L3MBTL1: variants seen among roughly 807,000 people sequenced by gnomAD.
L3MBTL1 encodes L3MBTL histone methyl-lysine binding protein 1.
L3MBTL1 carries 75 observed loss-of-function variants against 105.3 expected under a neutral mutation model. That is an observed-to-expected ratio of 0.71 (90% CI 0.59 to 0.86). L3MBTL1 has a LOEUF of 0.86. L3MBTL1 is among the 40% of genes least tolerant of loss of function. L3MBTL1 has a pLI of 0.00. For missense variants in L3MBTL1, 1,069 were observed against 1,126.4 expected (o/e 0.95, Z 0.73); for synonymous variants, 452 against 436.2 (o/e 1.04, Z -0.45).
Position 43,540,799 on chromosome 20 carries a change from G to C in L3MBTL1, c.2378G>C (p.Arg793Pro), listed in dbSNP as rs757597984. ...QTLTGCEDQA[R>P]LFKDEARIVR... ...CTGACAGGTTGTGAGGACCAAGCAC[G>C]CCTCTTCAAAGACGAGGTAAGGTGC... The change falls in exon 21 of 22, where the codon CGC becomes CCC. Residue 793 changes from arginine to proline, a missense_variant. Coordinates refer to ENST00000418998, the MANE Select transcript of L3MBTL1 (RefSeq NM_001377303.1). The C allele has an allele frequency of 8.1e-6, 13 of 1,614,048 alleles. No individual in the cohort carries two copies.
chr20:43,534,376 G>A lies in L3MBTL1; in HGVS notation c.1692G>A (p.Val564=), dbSNP rs752469919. The A allele has an allele frequency of 1.9e-5, 30 of 1,613,954 alleles. No homozygotes were observed. The highest frequency in any genetic ancestry group is 2.3e-5 in the Non-Finnish European group (27 of 1,179,984). The change falls in exon 15 of 22, where the codon GTG becomes GTA. Residue 564 remains valine (V), a synonymous_variant. Transcript: ENST00000418998. The part of the protein sequence containing the change: ...ALIRVASVED[V]EDHRIKIHFD... ...TTCGCGTGGCCAGCGTGGAGGATGT[G>A]GAGGACCATCGGATAAAGGTGGCTC...
In L3MBTL1 at chr20:43,541,024, C is replaced by T; in HGVS notation, c.2485C>T (p.Gln829Ter). The change falls in exon 22 of 22, where the codon CAG (glutamine) becomes TAG (stop). Residue 829 changes from glutamine to a stop codon, truncating the protein, a stop_gained. Transcript: ENST00000418998. LOFTEE classifies it low-confidence loss of function (END_TRUNC). The stretch of plus-strand genomic sequence containing the variant: ...GGACCTTGTGTGCTCAGATCATCTT[C>T]AGGAAGGAAAAGGCATCCTGGAGAC... ...LGDLVCSDHL[Q>*]EGKGILETGV... 1 of 1,614,180 alleles carries T rather than the reference C, an allele frequency of 6.2e-7. No individual in the cohort carries two copies. Among genetic ancestry groups the T allele is most frequent in the Non-Finnish European group, 8.5e-7 (1 of 1,180,042 alleles).
chr20:43,545,270 C>T (rs1046260011), downstream of L3MBTL1, among the ~76,000 whole-genome samples: 23 of 151,472 alleles, frequency 1.5e-4, no homozygotes, highest in Admixed American at 8.6e-4. Context: ...GAGGCTGAGG[C>T]AGAAGAGTCA....
downstream of L3MBTL1, among the ~76,000 whole-genome samples, chr20:43,542,300 G>A (rs948900364): frequency 6.6e-6 from 1 of 152,192 alleles, no homozygotes; most frequent in African/African-American, 2.4e-5. Flanking sequence ...CCTTTGAGCT[G>A]TGTGTGGTGG....
At chr20:43,519,935 G>A (rs1663196397) in intron 7 of L3MBTL1, among the ~76,000 whole-genome samples, 1 of 152,090 alleles carries the variant, frequency 6.6e-6, no homozygotes, top group South Asian at 2.1e-4. Context: ...GCTTTACTGA[G>A]ATACAATTCA....
Position 43,532,835 on chromosome 20 carries a change from G to C in L3MBTL1, c.1347G>C (p.Pro449=), listed in dbSNP as rs201765532. Residue 449 remains proline (P), a synonymous_variant, in exon 12 of 22, where the codon CCG becomes CCC. Coordinates refer to ENST00000418998, the MANE Select transcript of L3MBTL1 (RefSeq NM_001377303.1). The part of the protein sequence containing the change: ...MKLEAVDRMN[P]SLVCVASVTD... ...TGGAGGCTGTTGACCGCATGAACCC[G>C]TCCCTTGTCTGCGTGGCCAGTGTGA... is the stretch of plus-strand genomic sequence containing the variant. The C allele has an allele frequency of 2.8e-5, 46 of 1,614,096 alleles. No homozygotes were observed. Among genetic ancestry groups the C allele is most frequent in the Non-Finnish European group, 2.5e-6 (3 of 1,180,054 alleles).
chr20:43,515,494 G>C, intron 6 of L3MBTL1, 79 bp downstream of exon 6: 1 of 1,494,686 alleles, frequency 6.7e-7, no homozygotes, highest in Non-Finnish European at 9.0e-7. Context: ...CATCAATCCA[G>C]ATTATGGAGC....
At chr20:43,540,714 C>T in intron 20 of L3MBTL1, 39 bp from the exon 21 acceptor site, 1 of 1,605,954 alleles carries the variant, frequency 6.2e-7, no homozygotes, top group Non-Finnish European at 8.5e-7. Context: ...CATGCCTAAG[C>T]TCTGTCCCCT....
intron 18 of L3MBTL1, among the ~76,000 whole-genome samples, chr20:43,547,395 C>T (rs1042551377): frequency 5.3e-5 from 8 of 152,310 alleles, no homozygotes; most frequent in South Asian, 4.1e-4. Context: ...TGAGCCACCG[C>T]GCCCGGCCAA....
intron 7 of L3MBTL1, among the ~76,000 whole-genome samples, chr20:43,525,036 G>C (rs183327211): frequency 6.6e-6 from 1 of 151,796 alleles, no homozygotes; most frequent in East Asian, 1.9e-4. Flanking sequence ...AGCAAGGACA[G>C]TAAATGTGGA....
chr20:43,535,040 T>C lies in L3MBTL1; in HGVS notation c.1825+98T>C, dbSNP rs185663081. The C allele has an allele frequency of 1.2e-5, 9 of 758,124 alleles. No individual in the cohort carries two copies. The Admixed American group carries it at 2.2e-4, about 18-fold the overall frequency. The allele number at this position is 758,124 out of a possible 1,614,324, so 47.0% of individuals were successfully genotyped here. A position where few individuals can be genotyped will look rare whatever the true frequency, so the allele number is the denominator to read the frequency against. Reference sequence around the variant, plus strand: ...AGCTCTGACTCCCCATGCCCAAATATGACACAGAGGGCTCTGATGCCTACC... The same window carrying C: ...AGCTCTGACTCCCCATGCCCAAATACGACACAGAGGGCTCTGATGCCTACC... On this transcript the variant is annotated intron_variant, in intron 16 of 21. Coordinates refer to ENST00000418998, the MANE Select transcript of L3MBTL1 (RefSeq NM_001377303.1).
chr20:43,525,168 C>G (rs1486476548), intron 7 of L3MBTL1, among the ~76,000 whole-genome samples: 2 of 150,810 alleles, frequency 1.3e-5, no homozygotes, highest in Non-Finnish European at 2.9e-5. Context: ...GCTTGCGTGA[C>G]TGGATGAATG....
At chr20:43,533,553 C>T in intron 13 of L3MBTL1, 135 bp downstream of exon 13, 1 of 688,838 alleles carries the variant, frequency 1.5e-6, no homozygotes. Context: ...CCTGAAGCCT[C>T]AGCTTCTTGG....
intron 18 of L3MBTL1, chr20:43,548,013 T>A: frequency 2.4e-4 from 117 of 497,068 alleles, no homozygotes; most frequent in Non-Finnish European, 3.3e-4. Context: ...CCTACTCCCC[T>A]CCCCCATTCC....
At chr20:43,547,934 C>G (rs1418713919) in intron 18 of L3MBTL1, among the ~76,000 whole-genome samples, 1 of 151,900 alleles carries the variant, frequency 6.6e-6, no homozygotes. Context: ...TTCTCCCTCC[C>G]TTCTCCTTTC....
Position 43,534,510 on chromosome 20 carries a change from A to G in L3MBTL1, c.1710+116A>G, listed in dbSNP as rs549131127. On this transcript the variant is annotated intron_variant, in intron 15 of 21. Transcript: ENST00000418998. ...AGAGAGATGAAGCCAAAGATCTTGA[A>G]TCTCATTCTTGCCTCATCTGTGACT... The G allele has an allele frequency of 1.3e-4, 108 of 813,338 alleles. 1 individual carries two copies. The African/African-American group carries it at 1.7e-3, about 13-fold the overall frequency. The allele number at this position is 813,338 out of a possible 1,614,324, so 50.4% of individuals were successfully genotyped here. A position where few individuals can be genotyped will look rare whatever the true frequency, so the allele number is the denominator to read the frequency against.
In L3MBTL1 at chr20:43,530,737, G is replaced by T. The variant is rs576912078; in HGVS notation, c.1193-61G>T. On this transcript the variant is annotated intron_variant, in intron 10 of 21. Coordinates refer to ENST00000418998, the MANE Select transcript of L3MBTL1 (RefSeq NM_001377303.1). ...CCTGATTCTGCTGCTTCACTGTGGG[G>T]TGCCCTTGCTGTGGCCCAGCCTCTG... is the stretch of plus-strand genomic sequence containing the variant. 6.1e-6 allele frequency: 9 copies of T among 1,466,582 alleles called. No individual in the cohort carries two copies. The South Asian group carries it at 6.8e-5, about 11-fold the overall frequency. 90.8% of individuals were successfully genotyped at this position (1,466,582 alleles called of 1,614,324 possible).
At chr20:43,524,997 C>T (rs973545583) in intron 7 of L3MBTL1, among the ~76,000 whole-genome samples, 1 of 151,782 alleles carries the variant, frequency 6.6e-6, no homozygotes, top group East Asian at 1.9e-4. Flanking sequence ...AGGCAGAGAC[C>T]AGTTAAGAGG....
At chr20:43,524,493 C>T (rs529902372) in intron 7 of L3MBTL1, among the ~76,000 whole-genome samples, 6 of 152,124 alleles carry the variant, frequency 3.9e-5, no homozygotes, top group Non-Finnish European at 8.8e-5. Context: ...ATTATGTAAC[C>T]ATATAATAAG....
Sources: gnomAD v4.1 joint callset for allele counts (sites outside exome capture counted in the v4.1 genomes callset) on GRCh38, gnomAD v4.1.1 for gene constraint, MANE v1.5 for transcripts, NCBI Gene and HGNC (gene_info 2026-07-23, HGNC 2026-07-21) for gene names.